The following ACMSD variants were observed in gnomAD, a reference collection of about 807,000 sequenced individuals.
The protein encoded by ACMSD is 2-amino-3-carboxymuconate-6-semialdehyde decarboxylase.
In ACMSD, 37 loss-of-function variants were observed where a neutral mutation model predicts 45.9. That is an observed-to-expected ratio of 0.81 (90% confidence interval 0.62 to 1.06). The LOEUF is 1.06. ACMSD is among the 50% of genes least tolerant of loss of function. The pLI, the probability that ACMSD is intolerant of heterozygous loss-of-function variation, is 0.00. For synonymous variants in ACMSD, 138 were observed against 148.8 expected, an observed-to-expected ratio of 0.93 and a Z score of 0.53; for missense variants, 434 against 420.9, an observed-to-expected ratio of 1.03 and a Z score of -0.27.
At chr2:134,844,995 G>C (rs1358335445) in intron 1 of ACMSD, among the ~76,000 whole-genome samples, 1 of 152,118 alleles carries the variant, frequency 6.6e-6, no homozygotes, top group Non-Finnish European at 1.5e-5. Context: ...AGCTGCATTA[G>C]GGGAAAAGAT....
intron 2 of ACMSD, among the ~76,000 whole-genome samples, chr2:134,853,430 A>G (rs934990171): frequency 4.6e-5 from 7 of 152,092 alleles, no homozygotes; most frequent in Non-Finnish European, 8.8e-5. Context: ...AAAAAAAAAA[A>G]ACTTGATTTT....
chr2:134,860,324 C>T (rs1376641850), intron 3 of ACMSD, among the ~76,000 whole-genome samples: 2 of 152,154 alleles, frequency 1.3e-5, no homozygotes, highest in Non-Finnish European at 1.5e-5. Flanking sequence ...CCACATTATG[C>T]TTCACCTGTG....
chr2:134,857,298 C>T (rs1312658511), intron 2 of ACMSD, among the ~76,000 whole-genome samples: 5 of 151,932 alleles, frequency 3.3e-5, no homozygotes, highest in African/African-American at 4.8e-5. Flanking sequence ...ATTAGCCGGG[C>T]GTGGTGGCGC....
At chr2:134,849,655 G>A (rs1367651603) in intron 2 of ACMSD, among the ~76,000 whole-genome samples, 3 of 152,092 alleles carry the variant, frequency 2.0e-5, no homozygotes, top group African/African-American at 7.2e-5. Flanking sequence ...TTAACTCTTG[G>A]TTTTTCAGTG....
At chr2:134,840,167 C>CAATAAAAAAAAA (rs1686720223) in intron 1 of ACMSD, among the ~76,000 whole-genome samples, 1 of 23,434 alleles carries the variant, frequency 4.3e-5, no homozygotes, top group Non-Finnish European at 8.3e-5. Flanking sequence ...CTATACCTAG[C>CAATAAAAAAAAA]AAAAAAAAAA....
chr2:134,894,329 T>C (rs1216699899), intron 8 of ACMSD, among the ~76,000 whole-genome samples: 1 of 152,018 alleles, frequency 6.6e-6, no homozygotes, highest in Non-Finnish European at 1.5e-5. Flanking sequence ...AAAAGAATTA[T>C]AAGTAAAAAT....
chr2:134,883,788 T>C (rs1020691156), intron 8 of ACMSD, among the ~76,000 whole-genome samples: 2 of 152,148 alleles, frequency 1.3e-5, no homozygotes, highest in Admixed American at 6.5e-5. Context: ...TGTGAGTCAC[T>C]ACACCCAGCC....
At chr2:134,875,777 T>A (rs566534946) in intron 8 of ACMSD, among the ~76,000 whole-genome samples, 1 of 152,352 alleles carries the variant, frequency 6.6e-6, no homozygotes, top group South Asian at 2.1e-4. Flanking sequence ...TCTGGCTAGA[T>A]CCATTGGTAA....
intron 8 of ACMSD, among the ~76,000 whole-genome samples, chr2:134,877,349 A>T (rs764605831): frequency 6.6e-6 from 1 of 152,224 alleles, no homozygotes; most frequent in Non-Finnish European, 1.5e-5. Flanking sequence ...AGCCACATAA[A>T]CAATAATAAA....
intron 2 of ACMSD, among the ~76,000 whole-genome samples, chr2:134,852,661 C>T (rs991028766): frequency 6.6e-6 from 1 of 152,062 alleles, no homozygotes; most frequent in Non-Finnish European, 1.5e-5. Context: ...TAGGGCCTCC[C>T]GGGGGAGCTG....
At chr2:134,863,149 C>A (rs1221156014) in intron 4 of ACMSD, 1 of 772,298 alleles carries the variant, frequency 1.3e-6, no homozygotes, top group Admixed American at 6.2e-5. Context: ...GTGTTCTTCC[C>A]TTCTGATTCT....
At chr2:134,841,411 T>C (rs1020408550) in intron 1 of ACMSD, among the ~76,000 whole-genome samples, 1 of 151,960 alleles carries the variant, frequency 6.6e-6, no homozygotes, top group Non-Finnish European at 1.5e-5. Flanking sequence ...ACGCCTGAAG[T>C]GATGTTTAAT....
chr2:134,843,904 C>A (rs1686927305), intron 1 of ACMSD, among the ~76,000 whole-genome samples: 1 of 152,206 alleles, frequency 6.6e-6, no homozygotes. Context: ...CTCGCCAAGG[C>A]CCCCAGAGCA....
intron 6 of ACMSD, 81 bp downstream of exon 6, chr2:134,867,753 T>A (rs1688176435): frequency 1.8e-6 from 2 of 1,138,030 alleles, no homozygotes; most frequent in Non-Finnish European, 2.6e-6. Context: ...TTATGTCAAA[T>A]AGGGAAAGTA....
chr2:134,846,727 A>G (rs1245270644), intron 2 of ACMSD, among the ~76,000 whole-genome samples: 8 of 152,116 alleles, frequency 5.3e-5, no homozygotes, highest in Non-Finnish European at 1.2e-4. Flanking sequence ...CTGACTCACT[A>G]CTTTTTATTG....
chr2:134,875,100 A>G (rs1688665665), intron 8 of ACMSD, among the ~76,000 whole-genome samples: 1 of 152,174 alleles, frequency 6.6e-6, no homozygotes. Context: ...TCCCAGGCTC[A>G]AGCCATCCTC....
rs1687930938 is a variant in ACMSD at position 134,863,304 on chromosome 2, T to G, written c.250-91T>G. ...TGGTAAAGCCACTGAAAATGACAAA[T>G]ATTATAGCCATGAGGAGGCACTGTT... On this transcript the variant is annotated intron_variant, in intron 4 of 9. Transcript: ENST00000356140. 3.2e-6 allele frequency: 4 copies of G among 1,261,460 alleles called. No homozygotes were observed. In the South Asian group the frequency reaches 5.3e-5, roughly 17 times the overall value. The allele number at this position is 1,261,460 out of a possible 1,614,324, so 78.1% of individuals were successfully genotyped here.
chr2:134,887,154 A>G (rs1380236596), intron 8 of ACMSD, among the ~76,000 whole-genome samples: 3 of 152,358 alleles, frequency 2.0e-5, no homozygotes, highest in South Asian at 2.1e-4. Context: ...TAAGATATCA[A>G]TTCTCCTCAC....
chr2:134,891,472 AAT>A (rs1689778862), intron 8 of ACMSD, among the ~76,000 whole-genome samples: 1 of 152,152 alleles, frequency 6.6e-6, no homozygotes, highest in Non-Finnish European at 1.5e-5. Flanking sequence ...ATGGCCAACA[AAT>A]ATGTGAAAAA....
Sources: allele counts gnomAD v4.1 joint callset (sites outside exome capture counted in the v4.1 genomes callset), GRCh38; gene constraint gnomAD v4.1.1; transcripts MANE v1.5; gene names NCBI Gene and HGNC (gene_info 2026-07-23, HGNC 2026-07-21).